Variants in GABRG3 observed in about 807,000 individuals in gnomAD.
The protein encoded by GABRG3 is gamma-aminobutyric acid receptor subunit gamma-3.
GABRG3 carries 25 observed loss-of-function variants against 48.8 expected under a neutral mutation model. The observed-to-expected ratio is 0.51, with a 90% confidence interval of 0.37 to 0.72. The LOEUF is 0.72. GABRG3 is among the 30% of genes least tolerant of loss of function. The pLI is 0.00. For synonymous variants in GABRG3, 227 were observed against 217.6 expected (o/e 1.04, Z -0.38); for missense variants, 394 against 577.9 (o/e 0.68, Z 3.26).
At chr15:27,121,205 A>T (rs933019934) in intron 3 of GABRG3, among the ~76,000 whole-genome samples, 10 of 152,220 alleles carry the variant, frequency 6.6e-5, no homozygotes, top group Admixed American at 2.0e-4. Flanking sequence ...ATGTCTGGTT[A>T]TTCTGGAAGC....
chr15:27,498,581 T>A (rs1890542321), intron 6 of GABRG3, among the ~76,000 whole-genome samples: 1 of 152,056 alleles, frequency 6.6e-6, no homozygotes, highest in African/African-American at 2.4e-5. Flanking sequence ...CTGCAACCTC[T>A]GCCTCCCAGG....
At chr15:27,209,923 G>A (rs1429588545) in intron 3 of GABRG3, among the ~76,000 whole-genome samples, 1 of 152,132 alleles carries the variant, frequency 6.6e-6, no homozygotes, top group Non-Finnish European at 1.5e-5. Context: ...TGCATCCCTG[G>A]TGTCCGTCTG....
chr15:27,224,311 A>T (rs1255681121), intron 3 of GABRG3, among the ~76,000 whole-genome samples: 2 of 152,212 alleles, frequency 1.3e-5, no homozygotes, highest in Non-Finnish European at 2.9e-5. Flanking sequence ...AGTTTCCCTA[A>T]GTGCAGAACC....
At chr15:26,981,508 T>G (rs1156411530) in intron 2 of GABRG3, among the ~76,000 whole-genome samples, 1 of 152,230 alleles carries the variant, frequency 6.6e-6, no homozygotes, top group African/African-American at 2.4e-5. Context: ...TGTTGTCTGA[T>G]AGTGTTGTCC....
chr15:27,520,597 C>A (rs976847605), intron 7 of GABRG3, among the ~76,000 whole-genome samples: 1 of 70,000 alleles, frequency 1.4e-5, no homozygotes, highest in Non-Finnish European at 2.6e-5. Context: ...TGTGAGCACA[C>A]ACTAAAACTC....
chr15:27,450,595 A>T (rs1452479743), intron 5 of GABRG3, among the ~76,000 whole-genome samples: 2 of 152,216 alleles, frequency 1.3e-5, no homozygotes, highest in African/African-American at 4.8e-5. Context: ...ACTAGCCCAC[A>T]TTTATTACAC....
At chr15:27,317,593 C>A (rs907245249) in intron 3 of GABRG3, among the ~76,000 whole-genome samples, 5 of 152,166 alleles carry the variant, frequency 3.3e-5, no homozygotes, top group Admixed American at 6.5e-5. Context: ...TAAGCATGTT[C>A]AGTCTAAATA....
intron 3 of GABRG3, among the ~76,000 whole-genome samples, chr15:27,242,591 A>G (rs1890159023): frequency 6.6e-6 from 1 of 152,188 alleles, no homozygotes; most frequent in African/African-American, 2.4e-5. Context: ...AATCAGAACA[A>G]AGTTACTTCT....
intron 3 of GABRG3, among the ~76,000 whole-genome samples, chr15:27,115,898 A>G (rs1294575405): frequency 6.6e-6 from 1 of 152,208 alleles, no homozygotes; most frequent in Non-Finnish European, 1.5e-5. Context: ...GAAGGGGTAA[A>G]GTCAGATTTT....
At chr15:27,336,727 G>C (rs1021373612) in intron 5 of GABRG3, among the ~76,000 whole-genome samples, 1 of 152,186 alleles carries the variant, frequency 6.6e-6, no homozygotes, top group Admixed American at 6.5e-5. Context: ...ATTCATAGTA[G>C]CACTATTCTT....
intron 5 of GABRG3, among the ~76,000 whole-genome samples, chr15:27,387,413 G>T (rs540570522): frequency 6.6e-6 from 1 of 152,186 alleles, no homozygotes; most frequent in South Asian, 2.1e-4. Flanking sequence ...GTTATTTGAA[G>T]TTAATTTTAT....
chr15:27,214,627 A>G (rs759584082), intron 3 of GABRG3, among the ~76,000 whole-genome samples: 121 of 152,122 alleles, frequency 8.0e-4, no homozygotes, highest in Non-Finnish European at 1.9e-4. Context: ...CTTCTTAACT[A>G]GCTTCTTTAA....
In GABRG3 at chr15:27,254,545, T is replaced by G. The variant is rs150704414; in HGVS notation, c.271-72264T>G. Among the ~76,000 whole-genome samples, 259 of 152,160 alleles carry G rather than the reference T, an allele frequency of 1.7e-3. 2 individuals carry two copies. Among genetic ancestry groups the G allele is most frequent in the African/African-American group, 5.9e-3 (243 of 41,520 alleles). ...TCTCACAGTTTTGGAAGCAGGGAAG[T>G]GCAAGATCAAGGTGCTGGCAGATTC... is the stretch of plus-strand genomic sequence containing the variant. On this transcript the variant is annotated intron_variant, in intron 3 of 9. Transcript: ENST00000615808.
At chr15:27,404,805 C>T (rs1198809629) in intron 5 of GABRG3, among the ~76,000 whole-genome samples, 1 of 152,214 alleles carries the variant, frequency 6.6e-6, no homozygotes, top group African/African-American at 2.4e-5. Context: ...GTGTCCTCTT[C>T]TGACTCTGAC....
chr15:27,463,446 C>G (rs1260325992), intron 5 of GABRG3, among the ~76,000 whole-genome samples: 1 of 152,098 alleles, frequency 6.6e-6, no homozygotes, highest in Admixed American at 6.6e-5. Flanking sequence ...TTGGTATCAC[C>G]GAAGTGTGGA....
At chr15:27,078,400 G>C (rs939226327) in intron 3 of GABRG3, among the ~76,000 whole-genome samples, 3 of 151,922 alleles carry the variant, frequency 2.0e-5, no homozygotes, top group Admixed American at 2.0e-4. Flanking sequence ...TATTATTTGG[G>C]GTTTTGATCA....
At chr15:27,029,187 G>A (rs1367331939) in intron 3 of GABRG3, among the ~76,000 whole-genome samples, 1 of 152,190 alleles carries the variant, frequency 6.6e-6, no homozygotes, top group African/African-American at 2.4e-5. Flanking sequence ...CTACCCTACT[G>A]AAGGGGTGGG....
In GABRG3 at chr15:27,535,051, A is replaced by G. The variant is rs1891517194; in HGVS notation, c.*2170A>G. 1 of 152,248 alleles carries G rather than the reference A, an allele frequency of 6.6e-6. No individual in the cohort carries two copies. The highest frequency in any genetic ancestry group is 2.4e-5 in the African/African-American group (1 of 41,476). The allele number at this position is 152,248 out of a possible 1,614,324, so 9.4% of individuals were successfully genotyped here. A position where few individuals can be genotyped will look rare whatever the true frequency, so the allele number is the denominator to read the frequency against. On this transcript the variant is annotated 3_prime_UTR_variant, in exon 10 of 10. Coordinates refer to ENST00000615808, the MANE Select transcript of GABRG3 (RefSeq NM_033223.5). ...GGTACTCTAGTTCTGTCTCTCATGCATAAGCAACCCCCGCCTTGGCAGAAG... is the reference window on the plus strand; with the variant it reads ...GGTACTCTAGTTCTGTCTCTCATGCGTAAGCAACCCCCGCCTTGGCAGAAG...
At chr15:27,161,320 G>A (rs1022210755) in intron 3 of GABRG3, 1 of 152,144 alleles carries the variant, frequency 6.6e-6, no homozygotes, top group Non-Finnish European at 1.5e-5. Flanking sequence ...TTGTTACACT[G>A]TAGGCATTGA....
Sources: allele counts gnomAD v4.1 joint callset (sites outside exome capture counted in the v4.1 genomes callset), GRCh38; gene constraint gnomAD v4.1.1; transcripts MANE v1.5; gene names NCBI Gene and HGNC (gene_info 2026-07-23, HGNC 2026-07-21).